The following CDKN2B-AS1 variants were observed in gnomAD, a reference collection of about 807,000 sequenced individuals.
The protein encoded by CDKN2B-AS1 is CDKN2B and CDKN2A antisense cis and trans regulatory RNA 1.
chr9:22,022,057 G>C (rs912630703), intron 1 of CDKN2B-AS1, among the ~76,000 whole-genome samples: 2 of 152,112 alleles, frequency 1.3e-5, no homozygotes, highest in African/African-American at 2.4e-5. Flanking sequence ...CATTTGCTGA[G>C]GAGTGTTTTA....
chr9:22,008,410 T>C (rs1821299845), intron 1 of CDKN2B-AS1, among the ~76,000 whole-genome samples: 2 of 152,216 alleles, frequency 1.3e-5, no homozygotes, highest in Non-Finnish European at 2.9e-5. Context: ...TACTATGATT[T>C]TGTAGAATTC....
chr9:22,066,331 C>G (rs1824038807), intron 4 of CDKN2B-AS1: 1 of 151,940 alleles, frequency 6.6e-6, no homozygotes, highest in Admixed American at 6.6e-5. Context: ...GCAGCTGGGA[C>G]TACAGATGCA....
chr9:22,035,171 TCTAA>T (rs1324708054), intron 1 of CDKN2B-AS1, among the ~76,000 whole-genome samples: 7 of 152,214 alleles, frequency 4.6e-5, no homozygotes, highest in East Asian at 3.9e-4. Context: ...TAGGTTGTTG[TCTAA>T]CTAAGGTATT....
intron 4 of CDKN2B-AS1, chr9:22,097,224 G>A (rs991392416): frequency 1.3e-5 from 2 of 152,210 alleles, no homozygotes; most frequent in South Asian, 2.1e-4. Context: ...TGAGCCCATT[G>A]GATTTCCCCT....
intron 1 of CDKN2B-AS1, among the ~76,000 whole-genome samples, chr9:22,018,278 C>G (rs182155456): frequency 6.7e-4 from 101 of 151,402 alleles, no homozygotes; most frequent in African/African-American, 2.4e-3. Context: ...TTCTCCACAG[C>G]TTTGGATCCT....
intron 4 of CDKN2B-AS1, among the ~76,000 whole-genome samples, chr9:22,085,603 C>T (rs1198385423): frequency 6.6e-6 from 1 of 151,826 alleles, no homozygotes; most frequent in South Asian, 2.1e-4. Context: ...CCCCTGTAGT[C>T]CCAGGTACTC....
At chr9:22,008,717 C>G in intron 1 of CDKN2B-AS1, 2 of 1,611,710 alleles carry the variant, frequency 1.2e-6, no homozygotes, top group African/African-American at 1.3e-5. Context: ...CATCGGCGAT[C>G]TAGGTTCCAG....
At chr9:22,109,245 A>C (rs1825739976) in intron 4 of CDKN2B-AS1, among the ~76,000 whole-genome samples, 1 of 152,176 alleles carries the variant, frequency 6.6e-6, no homozygotes, top group Non-Finnish European at 1.5e-5. Flanking sequence ...TTTCCCTATC[A>C]GCTGGCTCAA....
intron 3 of CDKN2B-AS1, among the ~76,000 whole-genome samples, chr9:22,052,567 G>A (rs1182750665): frequency 1.3e-5 from 2 of 152,106 alleles, no homozygotes; most frequent in Non-Finnish European, 2.9e-5. Flanking sequence ...TGCCCATGTG[G>A]ACATCAATAC....
At chr9:22,010,470 G>A (rs1275382500) in intron 1 of CDKN2B-AS1, among the ~76,000 whole-genome samples, 1 of 152,154 alleles carries the variant, frequency 6.6e-6, no homozygotes, top group East Asian at 1.9e-4. Context: ...AGTCTTAACA[G>A]GAGGGCAATT....
Position 22,005,405 on chromosome 9 carries a change from AT to A in CDKN2B-AS1, n.29+10245del, listed in dbSNP as rs1821122803. 1 of 246,216 alleles carries A rather than the reference AT, an allele frequency of 4.1e-6. No individual in the cohort carries two copies. The highest frequency in any genetic ancestry group is 2.2e-5 in the African/African-American group (1 of 45,402). 15.3% of individuals were successfully genotyped at this position (246,216 alleles called of 1,614,324 possible). On this transcript the variant is annotated intron_variant and non_coding_transcript_variant, in intron 1 of 4. Coordinates refer to ENST00000650946, the Ensembl canonical transcript of CDKN2B-AS1. The surrounding 1 kb of genome is among the most constrained non-coding windows in gnomAD (Gnocchi z 4.9). ...GGCTTCCAGAGAGTGTCGTTTACGC[AT>A]GTGACTTGCCATGCGCTCAAACTAA...
intron 4 of CDKN2B-AS1, among the ~76,000 whole-genome samples, chr9:22,084,977 C>T (rs949688365): frequency 2.0e-5 from 3 of 152,086 alleles, no homozygotes; most frequent in South Asian, 2.1e-4. Flanking sequence ...AACACCCAGA[C>T]GACAACTCAG....
At chr9:22,108,571 A>G (rs535193124) in intron 4 of CDKN2B-AS1, among the ~76,000 whole-genome samples, 1 of 152,334 alleles carries the variant, frequency 6.6e-6, no homozygotes, top group African/African-American at 2.4e-5. Context: ...GCTCCCCTTA[A>G]CAAACATGGA....
intron 4 of CDKN2B-AS1, among the ~76,000 whole-genome samples, chr9:22,106,980 ATCAGAAACTGTACTAGGATAG>A (rs1825676549): frequency 6.6e-6 from 1 of 152,228 alleles, no homozygotes; most frequent in Non-Finnish European, 1.5e-5. Context: ...TAATTGTCCT[ATCAGAAACTGTACTAGGATAG>A]TCTGCATTTC....
chr9:22,103,499 A>C (rs577012124), intron 4 of CDKN2B-AS1, among the ~76,000 whole-genome samples: 1 of 152,294 alleles, frequency 6.6e-6, no homozygotes, highest in South Asian at 2.1e-4. Flanking sequence ...GTGAGTCAGC[A>C]GCAAAGGCCC....
intron 4 of CDKN2B-AS1, among the ~76,000 whole-genome samples, chr9:22,089,956 T>A (rs1296762437): frequency 6.6e-6 from 1 of 151,328 alleles, no homozygotes; most frequent in Admixed American, 6.6e-5. Context: ...TAGGTATATC[T>A]CCTAATGCTA....
At chr9:22,069,394 T>A (rs1824196084) in intron 4 of CDKN2B-AS1, among the ~76,000 whole-genome samples, 1 of 152,138 alleles carries the variant, frequency 6.6e-6, no homozygotes, top group Non-Finnish European at 1.5e-5. Context: ...AGTGACAAAA[T>A]TGTGCACTCA....
intron 4 of CDKN2B-AS1, among the ~76,000 whole-genome samples, chr9:22,067,573 CAT>C (rs538255834): frequency 6.2e-4 from 95 of 152,198 alleles, no homozygotes; most frequent in South Asian, 5.6e-3. Context: ...CACACACACA[CAT>C]GTAGCTACAT....
chr9:22,030,617 G>C (rs1822428900), intron 1 of CDKN2B-AS1: 1 of 152,022 alleles, frequency 6.6e-6, no homozygotes, highest in Non-Finnish European at 1.5e-5. Flanking sequence ...TTTTACTCAG[G>C]CTTCAATTAA....
Sources: gnomAD v4.1 joint callset for allele counts (sites outside exome capture counted in the v4.1 genomes callset) on GRCh38, gnomAD v4.1.1 for gene constraint, Gnocchi (gnomAD v3.1) non-coding constraint, MANE v1.5 for transcripts, NCBI Gene and HGNC (gene_info 2026-07-23, HGNC 2026-07-21) for gene names.